Variants in ZDHHC3 observed in about 807,000 individuals in gnomAD.
ZDHHC3 encodes zDHHC palmitoyltransferase 3, also known as palmitoyltransferase ZDHHC3.
A neutral mutation model predicts 30.6 loss-of-function variants in ZDHHC3; 9 were observed. That is an observed-to-expected ratio of 0.29 (90% CI 0.18 to 0.51). The LOEUF (loss-of-function observed/expected upper bound fraction) is 0.51. Ranked by LOEUF, ZDHHC3 falls within the 20% of genes least tolerant of loss-of-function variation. The pLI is 0.97. For synonymous variants in ZDHHC3, 136 were observed against 140.2 expected, an observed-to-expected ratio of 0.97 and a Z score of 0.21; for missense variants, 246 against 384.2, an observed-to-expected ratio of 0.64 and a Z score of 3.01.
rs557981920 is a variant in ZDHHC3, at chr3:44,962,036, T to C, written c.-24-2576A>G. On this transcript the variant is annotated intron_variant, in intron 1 of 6. Transcript: ENST00000424952. ...ATCCTGCTTCCCTGGCAGAACAGCT[T>C]GGTGTGATGGAGATCGTCAGTTACA... 5.3e-5 allele frequency among the ~76,000 whole-genome samples: 8 copies of C among 152,366 alleles called. No individual in the cohort carries two copies. In the East Asian group the frequency reaches 1.5e-3, roughly 29 times the overall value.
At chr3:44,951,625 C>T (rs1703459575) in intron 2 of ZDHHC3, among the ~76,000 whole-genome samples, 1 of 152,178 alleles carries the variant, frequency 6.6e-6, no homozygotes, top group Admixed American at 6.5e-5. Context: ...ATACCATTAC[C>T]TCCAAGCTTT....
intron 1 of ZDHHC3, chr3:44,975,491 C>G (rs1055690376): frequency 2.0e-5 from 3 of 152,128 alleles, no homozygotes; most frequent in Admixed American, 1.3e-4. Flanking sequence ...GCACCCGAGG[C>G]AAGAGGTCCC....
intron 3 of ZDHHC3, among the ~76,000 whole-genome samples, chr3:44,934,571 CAAAAAA>C (rs55841069): frequency 3.1e-5 from 3 of 95,604 alleles, no homozygotes; most frequent in Admixed American, 1.1e-4. Flanking sequence ...TCCATTTAGC[CAAAAAA>C]AAAAAAAAAA....
At chr3:44,951,643 T>A (rs1274733131) in intron 2 of ZDHHC3, among the ~76,000 whole-genome samples, 3 of 152,170 alleles carry the variant, frequency 2.0e-5, no homozygotes, top group African/African-American at 7.2e-5. Context: ...TTTCTCCTTG[T>A]GTTCTTAGCA....
intron 1 of ZDHHC3, among the ~76,000 whole-genome samples, chr3:44,971,933 C>T (rs1003020583): frequency 6.6e-6 from 1 of 151,860 alleles, no homozygotes; most frequent in African/African-American, 2.4e-5. Flanking sequence ...TCTATGTTGC[C>T]CAGGCTGGAC....
intron 4 of ZDHHC3, 31 bp downstream of exon 4, chr3:44,933,857 G>T (rs774169101): frequency 6.3e-7 from 1 of 1,596,106 alleles, no homozygotes; most frequent in Non-Finnish European, 8.6e-7. Flanking sequence ...TGCTTCATGG[G>T]GGGCAGGGCA....
In ZDHHC3 at chr3:44,921,250, ACAGACTCAGCTGAGCCC is replaced by A. The variant is rs1443548487; in HGVS notation, c.*5422_*5438del. The A allele has an allele frequency of 1.0e-6, 1 of 985,286 alleles. No homozygotes were observed. The highest frequency in any genetic ancestry group is 1.2e-6 in the Non-Finnish European group (1 of 829,936). The allele number at this position is 985,286 out of a possible 1,614,324, so 61.0% of individuals were successfully genotyped here. A position where few individuals can be genotyped will look rare whatever the true frequency, so the allele number is the denominator to read the frequency against. On this transcript the variant is annotated 3_prime_UTR_variant, in exon 7 of 7. Coordinates refer to ENST00000424952, the MANE Select transcript of ZDHHC3 (RefSeq NM_001135179.2). Reference sequence around the variant, plus strand: ...CCGAGGAAGGAAGAGTCTGTGCAGAACAGACTCAGCTGAGCCCCACAGAACGAGAACAGGCTGTTCCC... The same window carrying A: ...CCGAGGAAGGAAGAGTCTGTGCAGAACACAGAACGAGAACAGGCTGTTCCC...
At chr3:44,952,797 T>C (rs377320045) in intron 2 of ZDHHC3, among the ~76,000 whole-genome samples, 3 of 152,352 alleles carry the variant, frequency 2.0e-5, no homozygotes, top group East Asian at 3.9e-4. Flanking sequence ...TCTCTGCTAC[T>C]TCCTCATGGC....
At chr3:44,973,607 C>A (rs1017550122) in intron 1 of ZDHHC3, among the ~76,000 whole-genome samples, 5 of 152,042 alleles carry the variant, frequency 3.3e-5, no homozygotes, top group African/African-American at 4.8e-5. Flanking sequence ...TGCAGGCATG[C>A]GCCACCATGC....
At chr3:44,937,799 G>C (rs1201636631) in intron 3 of ZDHHC3, 1 of 417,118 alleles carries the variant, frequency 2.4e-6, no homozygotes, top group Non-Finnish European at 4.8e-6. Flanking sequence ...CCCCAAAAAA[G>C]GTTGGTGATG....
Position 44,959,354 on chromosome 3 carries a change from G to A in ZDHHC3, c.83C>T (p.Pro28Leu). The A allele has an allele frequency of 6.2e-7, 1 of 1,614,244 alleles. No individual in the cohort carries two copies. The highest frequency in any genetic ancestry group is 8.5e-7 in the Non-Finnish European group (1 of 1,180,046). Residue 28 changes from proline (P) to leucine (L), a missense_variant, in exon 2 of 7, where the codon CCC (proline) becomes CTC (leucine). By Grantham distance (98) the Pro-to-Leu change is moderately conservative. Transcript: ENST00000424952. This position sits in a 1 kb window ranked among gnomAD's most constrained non-coding sequence, Gnocchi z 4.3. The stretch of plus-strand genomic sequence containing the variant: ...CATGGTTCCCACAGGACCAGGGTAG[G>A]GGGGTGGGACACACTTCTCTGGCTG... ...YLQPEKCVPP[P>L]YPGPVGTMWF...
Position 44,918,886 on chromosome 3 carries a change from C to T in ZDHHC3, c.*7803G>A, listed in dbSNP as rs539433102. On this transcript the variant is annotated 3_prime_UTR_variant, in exon 7 of 7. Coordinates refer to ENST00000424952, the MANE Select transcript of ZDHHC3 (RefSeq NM_001135179.2). ...CAGAGGAGGTAAAGACATGGCCAGG[C>T]CAGCTCTCCAGGCCCACAACACCCT... The T allele has an allele frequency of 4.1e-6, 4 of 986,174 alleles. No individual in the cohort carries two copies. The highest frequency in any genetic ancestry group is 1.7e-5 in the African/African-American group (1 of 57,362). 61.1% of individuals were successfully genotyped at this position (986,174 alleles called of 1,614,324 possible). A position where few individuals can be genotyped will look rare whatever the true frequency, so the allele number is the denominator to read the frequency against.
At chr3:44,937,869 C>A in intron 3 of ZDHHC3, 3 of 475,620 alleles carry the variant, frequency 6.3e-6, no homozygotes, top group South Asian at 3.1e-5. Flanking sequence ...AGTGACTATT[C>A]AGAAAAGATA....
Position 44,921,972 on chromosome 3 carries a change from C to T in ZDHHC3, c.*4717G>A, listed in dbSNP as rs1700625440. The T allele has an allele frequency of 2.0e-6, 2 of 985,340 alleles. No homozygotes were observed. The highest frequency in any genetic ancestry group is 2.4e-6 in the Non-Finnish European group (2 of 829,948). 61.0% of individuals were successfully genotyped at this position (985,340 alleles called of 1,614,324 possible). ...ACTCCTTGGATCAGCTTCATCGGCT[C>T]CTCCTGTGGGCCCAACAGAGCGGGA... On this transcript the variant is annotated 3_prime_UTR_variant, in exon 7 of 7. Transcript: ENST00000424952.
intron 1 of ZDHHC3, among the ~76,000 whole-genome samples, chr3:44,965,735 G>A (rs1410730817): frequency 6.6e-6 from 1 of 152,188 alleles, no homozygotes; most frequent in African/African-American, 2.4e-5. Context: ...AAATGCCACT[G>A]TTCTCAGTCC....
In ZDHHC3 at chr3:44,945,237, T is replaced by G; in HGVS notation, c.362A>C (p.Lys121Thr). The change falls in exon 3 of 7, where the codon AAG (lysine) becomes ACG (threonine). Residue 121 changes from lysine to threonine, a missense_variant. Transcript: ENST00000424952. ...GCACTTGTACACCACCTGCCCAGGC[T>G]TCAACTGTAAACTCTCGATGAATTC... The part of the protein sequence containing the change: ...TKEFIESLQL[K>T]PGQVVYKCPK... The G allele has an allele frequency of 1.2e-6, 2 of 1,614,230 alleles. No individual in the cohort carries two copies. The highest frequency in any genetic ancestry group is 1.7e-6 in the Non-Finnish European group (2 of 1,180,042).
At position 44,925,331 on chromosome 3, in the gene ZDHHC3, C is replaced by A; in HGVS notation, c.*1358G>T. The A allele has an allele frequency of 1.0e-6, 1 of 985,908 alleles. No individual in the cohort carries two copies. The highest frequency in any genetic ancestry group is 1.2e-6 in the Non-Finnish European group (1 of 829,948). The allele number at this position is 985,908 out of a possible 1,614,324, so 61.1% of individuals were successfully genotyped here. On this transcript the variant is annotated 3_prime_UTR_variant, in exon 7 of 7. Transcript: ENST00000424952. ...GAATAAACCTTAACTCCTACCCCCA[C>A]CCCAAGCAAAAGCTAAAAAAGGGGG...
At chr3:44,929,501 C>T in intron 5 of ZDHHC3, 65 bp from the exon 6 acceptor site, 3 of 1,588,110 alleles carry the variant, frequency 1.9e-6, no homozygotes, top group Non-Finnish European at 2.6e-6. Context: ...AGGCTCACTG[C>T]CCCACTAGGC....
At chr3:44,931,350 C>T (rs1291807640) in intron 5 of ZDHHC3, among the ~76,000 whole-genome samples, 1 of 152,216 alleles carries the variant, frequency 6.6e-6, no homozygotes, top group Non-Finnish European at 1.5e-5. Context: ...CCTATTCTCC[C>T]TCCTTGCAAA....
Sources: gnomAD v4.1 joint callset for allele counts (sites outside exome capture counted in the v4.1 genomes callset) on GRCh38, gnomAD v4.1.1 for gene constraint, Gnocchi (gnomAD v3.1) non-coding constraint, MANE v1.5 for transcripts, NCBI Gene and HGNC (gene_info 2026-07-23, HGNC 2026-07-21) for gene names.